Variants in NYAP2 observed in about 807,000 individuals in gnomAD.
NYAP2 encodes neuronal tyrosine-phosphorylated phosphoinositide-3-kinase adaptor 2, also known as neuronal tyrosine-phosphorylated phosphoinositide-3-kinase adapter 2.
A neutral mutation model predicts 50.4 loss-of-function variants in NYAP2; 23 were observed. That is an observed-to-expected ratio of 0.46 (90% CI 0.33 to 0.65). The LOEUF (loss-of-function observed/expected upper bound fraction) is 0.65. NYAP2 is among the 30% of genes least tolerant of loss of function. NYAP2 has a pLI of 0.02. For missense variants in NYAP2, 885 were observed against 861.0 expected (o/e 1.03, Z -0.35); for synonymous variants, 394 against 365.2 (o/e 1.08, Z -0.90).
Position 225,529,943 on chromosome 2 carries a change from G to A in NYAP2, c.523+16271G>A, listed in dbSNP as rs1424720834. 4.6e-5 allele frequency among the ~76,000 whole-genome samples: 7 copies of A among 152,018 alleles called. No homozygotes were observed. The East Asian group carries it at 1.2e-3, about 25-fold the overall frequency. On this transcript the variant is annotated intron_variant, in intron 4 of 6. Coordinates refer to ENST00000636099, the Ensembl canonical transcript of NYAP2. Reference sequence around the variant, plus strand: ...AGGATGGTCTCGATCTTCTGACCTCGTGATCCACCCACCTTGGCCTCCCAA... The same window carrying A: ...AGGATGGTCTCGATCTTCTGACCTCATGATCCACCCACCTTGGCCTCCCAA...
chr2:225,510,959 G>A (rs1444952790), intron 3 of NYAP2, among the ~76,000 whole-genome samples: 1 of 152,142 alleles, frequency 6.6e-6, no homozygotes, highest in East Asian at 1.9e-4. Context: ...ATTGCTGATA[G>A]AATTATTTTT....
Position 225,572,718 on chromosome 2 carries a change from A to C in NYAP2, c.524-9223A>C, listed in dbSNP as rs1028126667. Among the ~76,000 whole-genome samples the C allele has an allele frequency of 2.6e-5, 4 of 152,356 alleles. 1 individual carries two copies. The highest frequency in any genetic ancestry group is 2.1e-4 in the South Asian group (1 of 4,832). On this transcript the variant is annotated intron_variant, in intron 4 of 6. Transcript: ENST00000636099. Reference sequence around the variant, plus strand: ...AAGCTTTCTCATCGAATCTGAACTTAGAAAATGAATGACTCATAAGAATTA... The same window carrying C: ...AAGCTTTCTCATCGAATCTGAACTTCGAAAATGAATGACTCATAAGAATTA...
chr2:225,633,283 T>G (rs1693353288), intron 6 of NYAP2, among the ~76,000 whole-genome samples: 2 of 152,172 alleles, frequency 1.3e-5, no homozygotes, highest in Non-Finnish European at 2.9e-5. Flanking sequence ...AGTGTAACAT[T>G]TAAATCTAAA....
At chr2:225,629,534 G>C (rs1693273240) in intron 6 of NYAP2, among the ~76,000 whole-genome samples, 2 of 152,140 alleles carry the variant, frequency 1.3e-5, no homozygotes, top group African/African-American at 4.8e-5. Context: ...CTGTGTTTCT[G>C]GGTACACAAG....
At chr2:225,678,522 T>C in the NYAP2 span, among the ~76,000 whole-genome samples, 1 of 152,158 alleles carries the variant, frequency 6.6e-6, no homozygotes, top group Non-Finnish European at 1.5e-5. Flanking sequence ...TCTCAAAACT[T>C]AGAACCAATT....
chr2:225,437,576 G>C (rs1422400362), intron 3 of NYAP2, among the ~76,000 whole-genome samples: 1 of 152,146 alleles, frequency 6.6e-6, no homozygotes, highest in African/African-American at 2.4e-5. Context: ...ATGCATGGTA[G>C]TATTTTGAAC....
intron 4 of NYAP2, among the ~76,000 whole-genome samples, chr2:225,580,261 A>G (rs936991965): frequency 6.6e-6 from 1 of 152,190 alleles, no homozygotes; most frequent in Non-Finnish European, 1.5e-5. Context: ...TTTGTATATA[A>G]TCTGATGACT....
At chr2:225,670,705 T>C in the NYAP2 span, among the ~76,000 whole-genome samples, 1 of 151,910 alleles carries the variant, frequency 6.6e-6, no homozygotes, top group Non-Finnish European at 1.5e-5. Flanking sequence ...TGTTTTGGAA[T>C]GACAGGGATC....
chr2:225,457,517 T>C (rs1689758280), intron 3 of NYAP2, among the ~76,000 whole-genome samples: 1 of 152,116 alleles, frequency 6.6e-6, no homozygotes, highest in Non-Finnish European at 1.5e-5. Context: ...CTACTGTACA[T>C]AGTATCAAGA....
At chr2:225,538,967 A>G (rs949589330) in intron 4 of NYAP2, among the ~76,000 whole-genome samples, 1 of 151,576 alleles carries the variant, frequency 6.6e-6, no homozygotes, top group African/African-American at 2.4e-5. Context: ...TCTACATTAG[A>G]TATTTCTCCT....
chr2:225,488,736 C>T (rs920753556), intron 3 of NYAP2, among the ~76,000 whole-genome samples: 1 of 152,178 alleles, frequency 6.6e-6, no homozygotes, highest in Admixed American at 6.5e-5. Context: ...ATTTCCCAAA[C>T]TTCCTGAACA....
chr2:225,433,756 G>A (rs1466863308), intron 3 of NYAP2, among the ~76,000 whole-genome samples: 2 of 138,158 alleles, frequency 1.4e-5, no homozygotes, highest in African/African-American at 2.6e-5. Flanking sequence ...GGCGGAGCTC[G>A]CAGTGAGCCG....
intron 6 of NYAP2, among the ~76,000 whole-genome samples, chr2:225,641,422 AAC>A (rs56041107): frequency 0.039 from 5,204 of 133,602 alleles, 234 homozygotes; most frequent in African/African-American, 0.12. Context: ...CAATCCCTCA[AAC>A]ACACACACAC....
intron 6 of NYAP2, among the ~76,000 whole-genome samples, chr2:225,649,948 T>G (rs1411399853): frequency 6.6e-6 from 1 of 152,240 alleles, no homozygotes; most frequent in Non-Finnish European, 1.5e-5. Context: ...ATTGTTTTCC[T>G]CTAAATCAGA....
chr2:225,482,301 A>C (rs1365017955), intron 3 of NYAP2, among the ~76,000 whole-genome samples: 1 of 152,054 alleles, frequency 6.6e-6, no homozygotes, highest in Non-Finnish European at 1.5e-5. Context: ...TCCTTTATTC[A>C]TGTGTGTGAG....
chr2:225,579,234 G>A (rs911777041), intron 4 of NYAP2, among the ~76,000 whole-genome samples: 1 of 152,144 alleles, frequency 6.6e-6, no homozygotes, highest in African/African-American at 2.4e-5. Flanking sequence ...CACTTTGGAA[G>A]TTAGGGCTTC....
chr2:225,448,521 G>A (rs1475746660), intron 3 of NYAP2, among the ~76,000 whole-genome samples: 1 of 152,124 alleles, frequency 6.6e-6, no homozygotes, highest in Non-Finnish European at 1.5e-5. Flanking sequence ...TGTCCTAAAA[G>A]AAATCTCTTA....
chr2:225,663,487 A>G, the NYAP2 span, among the ~76,000 whole-genome samples: 1 of 151,926 alleles, frequency 6.6e-6, no homozygotes, highest in Non-Finnish European at 1.5e-5. Flanking sequence ...CAGCTTCCTT[A>G]TCCATTACCT....
intron 6 of NYAP2, among the ~76,000 whole-genome samples, chr2:225,631,399 T>G (rs1693312676): frequency 6.6e-6 from 1 of 152,176 alleles, no homozygotes; most frequent in Non-Finnish European, 1.5e-5. Context: ...AGAAATGACA[T>G]ACATATTTTT....
Sources: gnomAD v4.1 joint callset for allele counts (sites outside exome capture counted in the v4.1 genomes callset) on GRCh38, gnomAD v4.1.1 for gene constraint, MANE v1.5 for transcripts, NCBI Gene and HGNC (gene_info 2026-07-23, HGNC 2026-07-21) for gene names.